The following NOXRED1 variants were observed in gnomAD, a reference collection of about 807,000 sequenced individuals.
The protein encoded by NOXRED1 is NADP-dependent oxidoreductase domain-containing protein 1.
NOXRED1 carries 20 observed loss-of-function variants against 30.4 expected under a neutral mutation model. The observed-to-expected ratio is 0.66, with a 90% CI of 0.46 to 0.96. The LOEUF is 0.96. NOXRED1 is among the 40% of genes least tolerant of loss of function. The pLI is 0.00. For missense variants in NOXRED1, 374 were observed against 428.0 expected (o/e 0.87, Z 1.11); for synonymous variants, 155 against 168.0 (o/e 0.92, Z 0.60).
intron 1 of NOXRED1, among the ~76,000 whole-genome samples, chr14:77,416,791 G>A (rs1358188200): frequency 2.7e-5 from 4 of 150,020 alleles, no homozygotes; most frequent in East Asian, 2.0e-4. Flanking sequence ...GGGCAGAGGC[G>A]CCCCTCACCT....
chr14:77,395,383 G>A (rs2139659116), intron 5 of NOXRED1, among the ~76,000 whole-genome samples: 1 of 152,128 alleles, frequency 6.6e-6, no homozygotes, highest in South Asian at 2.1e-4. Flanking sequence ...TGGGATTACA[G>A]GCGTGAGCCA....
Position 77,423,392 on chromosome 14 carries a change from C to G in NOXRED1, c.-503G>C, listed in dbSNP as rs560148292. 1.3e-5 allele frequency: 2 copies of G among 153,840 alleles called. No individual in the cohort carries two copies. The highest frequency in any genetic ancestry group is 4.8e-5 in the African/African-American group (2 of 41,564). 9.5% of individuals were successfully genotyped at this position (153,840 alleles called of 1,614,324 possible). A position where few individuals can be genotyped will look rare whatever the true frequency, so the allele number is the denominator to read the frequency against. On this transcript the variant is annotated 5_prime_UTR_variant, in exon 1 of 6. Transcript: ENST00000380835. ...AATAACCCAAACTAAATATCATTGT[C>G]CCCTGTCTAGGGCAGGGACATCTAG...
chr14:77,422,971 G>A lies in NOXRED1; in HGVS notation c.-82C>T, dbSNP rs1331434184. 4.3e-6 allele frequency: 5 copies of A among 1,174,694 alleles called. No homozygotes were observed. In the African/African-American group the frequency reaches 6.1e-5, roughly 14 times the overall value. 72.8% of individuals were successfully genotyped at this position (1,174,694 alleles called of 1,614,324 possible). A position where few individuals can be genotyped will look rare whatever the true frequency, so the allele number is the denominator to read the frequency against. On this transcript the variant is annotated 5_prime_UTR_variant, in exon 1 of 6. Transcript: ENST00000380835. Reference sequence around the variant, plus strand: ...GGTAGAAGAGGGGTCTATGTAGGAGGTGTGTGTATGATGGTGTGTGTGCCC... The same window carrying A: ...GGTAGAAGAGGGGTCTATGTAGGAGATGTGTGTATGATGGTGTGTGTGCCC...
chr14:77,412,826 G>A lies in NOXRED1; in HGVS notation c.349+1108C>T, dbSNP rs1272608429. 7.3e-5 allele frequency among the ~76,000 whole-genome samples: 11 copies of A among 151,322 alleles called. No homozygotes were observed. The South Asian group carries it at 1.0e-3, about 14-fold the overall frequency. ...ATCATTATTTCAAAAAATGTTAAAC[G>A]ATACGAGAATATGCTCATGATACAT... On this transcript the variant is annotated intron_variant, in intron 2 of 5. Transcript: ENST00000380835.
intron 1 of NOXRED1, among the ~76,000 whole-genome samples, chr14:77,420,368 G>GTT (rs67344054): frequency 2.1e-4 from 32 of 149,078 alleles, no homozygotes; most frequent in African/African-American, 7.0e-4. Context: ...GATTTCATCA[G>GTT]TTTTTTTTTG....
At chr14:77,419,338 G>T (rs1167048413) in intron 1 of NOXRED1, among the ~76,000 whole-genome samples, 2 of 150,864 alleles carry the variant, frequency 1.3e-5, no homozygotes, top group Non-Finnish European at 2.9e-5. Context: ...CTCCCAAAGT[G>T]CTGGGGTCAC....
Position 77,406,123 on chromosome 14 carries a change from A to G in NOXRED1, c.695T>C (p.Leu232Pro). Reference protein sequence around the residue: ...CPYSPAGGIILNIKWLEGVFY... With the variant: ...CPYSPAGGIIPNIKWLEGVFY... ...CACTCCCTCCAACCACTTGATATTG[A>G]GGATTATTCCCCCTACACATCAATG... The change falls in exon 5 of 6, where the codon CTC becomes CCC. Residue 232 changes from leucine to proline, a missense_variant. Leu to Pro is a moderately conservative substitution (Grantham distance 98, BLOSUM62 -3). Coordinates refer to ENST00000380835, the MANE Select transcript of NOXRED1 (RefSeq NM_001113475.3). The G allele has an allele frequency of 6.2e-7, 1 of 1,611,674 alleles. No individual in the cohort carries two copies. Among genetic ancestry groups the G allele is most frequent in the Non-Finnish European group, 8.5e-7 (1 of 1,178,032 alleles).
intron 1 of NOXRED1, among the ~76,000 whole-genome samples, chr14:77,415,369 A>G (rs1894782655): frequency 6.6e-6 from 1 of 152,168 alleles, no homozygotes; most frequent in Admixed American, 6.5e-5. Flanking sequence ...CAAAAGTTTA[A>G]GACCAGCCTG....
chr14:77,418,962 A>G (rs1894908557), intron 1 of NOXRED1, among the ~76,000 whole-genome samples: 1 of 152,050 alleles, frequency 6.6e-6, no homozygotes. Context: ...GTTGTTGACT[A>G]GCATGTTTTC....
chr14:77,422,706 A>G (rs755921978), intron 1 of NOXRED1, 29 bp downstream of exon 1: 51 of 1,607,712 alleles, frequency 3.2e-5, no homozygotes, highest in Admixed American at 5.0e-5. Context: ...ATTCTTGTCC[A>G]TCTTCCTGAA....
upstream of NOXRED1, among the ~76,000 whole-genome samples, chr14:77,425,305 C>T (rs950198577): frequency 2.0e-5 from 3 of 152,210 alleles, no homozygotes; most frequent in African/African-American, 7.2e-5. Flanking sequence ...AGGCTCTACT[C>T]CTCGGTACTT....
At chr14:77,401,491 C>A (rs1037325199) in intron 5 of NOXRED1, among the ~76,000 whole-genome samples, 1 of 151,578 alleles carries the variant, frequency 6.6e-6, no homozygotes, top group Non-Finnish European at 1.5e-5. Context: ...AGGCCAGGAG[C>A]TTGAGACCAG....
chr14:77,405,716 T>C (rs1162058742), intron 5 of NOXRED1, among the ~76,000 whole-genome samples, 197 bp downstream of exon 5: 1 of 152,156 alleles, frequency 6.6e-6, no homozygotes, highest in Non-Finnish European at 1.5e-5. Flanking sequence ...ATATAAAAAC[T>C]GTTAGAGGTG....
intron 2 of NOXRED1, among the ~76,000 whole-genome samples, chr14:77,408,787 T>C (rs1218989788): frequency 1.3e-5 from 2 of 152,000 alleles, no homozygotes; most frequent in Admixed American, 6.6e-5. Context: ...TGCAAAGATT[T>C]AACAGTTTCT....
At chr14:77,398,923 C>T (rs1452595267) in intron 5 of NOXRED1, among the ~76,000 whole-genome samples, 1 of 151,720 alleles carries the variant, frequency 6.6e-6, no homozygotes, top group East Asian at 1.9e-4. Flanking sequence ...GAGCCAAGAT[C>T]GCGCTATTGC....
chr14:77,413,557 C>T (rs1278117411), intron 2 of NOXRED1, among the ~76,000 whole-genome samples: 1 of 151,960 alleles, frequency 6.6e-6, no homozygotes, highest in African/African-American at 2.4e-5. Flanking sequence ...TTTTTAAAGT[C>T]AGTAAATGTC....
upstream of NOXRED1, among the ~76,000 whole-genome samples, chr14:77,424,452 G>A (rs569612719): frequency 4.6e-4 from 70 of 152,240 alleles, no homozygotes; most frequent in African/African-American, 1.7e-3. Flanking sequence ...GGGCGGCAGA[G>A]GGAGACTCCA....
At chr14:77,414,425 C>A (rs969999293) in intron 1 of NOXRED1, among the ~76,000 whole-genome samples, 4 of 152,070 alleles carry the variant, frequency 2.6e-5, no homozygotes, top group African/African-American at 9.7e-5. Context: ...GTGATCCACC[C>A]GTGTTGGCCT....
intron 1 of NOXRED1, among the ~76,000 whole-genome samples, chr14:77,417,322 T>C (rs1262226372): frequency 3.9e-5 from 6 of 152,236 alleles, no homozygotes; most frequent in Non-Finnish European, 8.8e-5. Context: ...GTGTGTCATG[T>C]TGTTCAAGTC....
Sources: allele counts gnomAD v4.1 joint callset (sites outside exome capture counted in the v4.1 genomes callset), GRCh38; gene constraint gnomAD v4.1.1; transcripts MANE v1.5; gene names NCBI Gene and HGNC (gene_info 2026-07-23, HGNC 2026-07-21).